Variants in GULP1 observed in about 807,000 individuals in gnomAD.
The protein encoded by GULP1 is GULP PTB domain containing engulfment adaptor 1, also known as PTB domain-containing engulfment adapter protein 1.
A neutral mutation model predicts 40.9 loss-of-function variants in GULP1; 19 were observed. The ratio of observed to expected loss-of-function variants is 0.46; its 90% CI spans 0.32 to 0.68. The LOEUF (loss-of-function observed/expected upper bound fraction) is 0.68. GULP1 is among the 30% of genes least tolerant of loss of function. GULP1 has a pLI of 0.03. For missense variants in GULP1, 312 were observed against 362.2 expected (o/e 0.86, Z 1.12); for synonymous variants, 119 against 117.6 (o/e 1.01, Z -0.08).
At chr2:188,422,209 C>T (rs2055532305) in intron 2 of GULP1, among the ~76,000 whole-genome samples, 1 of 150,308 alleles carries the variant, frequency 6.7e-6, no homozygotes. Flanking sequence ...CAAAATTCTC[C>T]TAATTTTTTT....
At chr2:188,432,847 G>A (rs1049942928) in intron 2 of GULP1, among the ~76,000 whole-genome samples, 2 of 151,974 alleles carry the variant, frequency 1.3e-5, no homozygotes, top group East Asian at 3.9e-4. Flanking sequence ...GCCAAAACAC[G>A]TTACAAAATA....
rs370916108 is a variant in GULP1 at position 188,454,317 on chromosome 2, T to C, written c.-44-23342T>C. On this transcript the variant is annotated intron_variant, in intron 2 of 11. Coordinates refer to ENST00000409830, the MANE Select transcript of GULP1 (RefSeq NM_016315.4). ...CCCAGTATGGCTTAGTCTGGGGTTT[T>C]TATAGGCACAGAATGGGGAGGGCAT... is the stretch of plus-strand genomic sequence containing the variant. Among the ~76,000 whole-genome samples the C allele has an allele frequency of 2.0e-4, 31 of 152,242 alleles. 1 individual carries two copies. Among genetic ancestry groups the C allele is most frequent in the African/African-American group, 7.5e-4 (31 of 41,542 alleles).
intron 9 of GULP1, among the ~76,000 whole-genome samples, chr2:188,580,575 TCAA>T (rs1701109098): frequency 6.7e-6 from 1 of 149,414 alleles, no homozygotes; most frequent in Non-Finnish European, 1.5e-5. Context: ...AAAATGGAGA[TCAA>T]CAGAGAAATA....
At chr2:188,315,433 A>AGG (rs1383215621) in intron 1 of GULP1, among the ~76,000 whole-genome samples, 1 of 152,118 alleles carries the variant, frequency 6.6e-6, no homozygotes, top group Non-Finnish European at 1.5e-5. Context: ...CCTGCAGATG[A>AGG]GGGAGGACTG....
chr2:188,434,394 G>A (rs13392080), intron 2 of GULP1, among the ~76,000 whole-genome samples: 3,406 of 150,822 alleles, frequency 0.023, 139 homozygotes, highest in African/African-American at 0.078. Context: ...GGTTATTATG[G>A]TGACTTTGCC....
At chr2:188,402,153 A>G (rs2052386878) in intron 2 of GULP1, among the ~76,000 whole-genome samples, 2 of 152,128 alleles carry the variant, frequency 1.3e-5, no homozygotes, top group South Asian at 4.1e-4. Context: ...GGCTATTTTG[A>G]TGGTAACAGA....
At chr2:188,303,696 A>G (rs2036536615) in intron 1 of GULP1, among the ~76,000 whole-genome samples, 1 of 152,200 alleles carries the variant, frequency 6.6e-6, no homozygotes, top group South Asian at 2.1e-4. Flanking sequence ...AGTGAAAGAG[A>G]CATTAGAGAA....
At chr2:188,507,248 G>A (rs2064009933) in intron 4 of GULP1, among the ~76,000 whole-genome samples, 1 of 151,894 alleles carries the variant, frequency 6.6e-6, no homozygotes, top group Admixed American at 6.6e-5. Context: ...TGATTAAGTG[G>A]CAGTAACTCT....
At chr2:188,477,237 C>G (rs927127456) in intron 2 of GULP1, among the ~76,000 whole-genome samples, 2 of 152,084 alleles carry the variant, frequency 1.3e-5, no homozygotes, top group African/African-American at 4.8e-5. Flanking sequence ...TTAACCACTG[C>G]TCCTAGTATA....
At chr2:188,443,566 A>G (rs1384592088) in intron 2 of GULP1, among the ~76,000 whole-genome samples, 1 of 152,226 alleles carries the variant, frequency 6.6e-6, no homozygotes, top group Non-Finnish European at 1.5e-5. Flanking sequence ...CATCTAGAAC[A>G]GTATTTTATC....
intron 2 of GULP1, among the ~76,000 whole-genome samples, chr2:188,462,346 T>C (rs141750644): frequency 0.011 from 1,706 of 152,320 alleles, 38 homozygotes; most frequent in African/African-American, 0.038. Context: ...ACCTAACATA[T>C]GGTCTATCCT....
intron 2 of GULP1, among the ~76,000 whole-genome samples, chr2:188,396,512 G>A (rs896712363): frequency 6.6e-6 from 1 of 152,230 alleles, no homozygotes; most frequent in African/African-American, 2.4e-5. Context: ...CACATCTGCA[G>A]TGTTCCACTA....
At chr2:188,360,491 A>G (rs1301804281) in intron 1 of GULP1, among the ~76,000 whole-genome samples, 2 of 151,908 alleles carry the variant, frequency 1.3e-5, no homozygotes, top group African/African-American at 2.4e-5. Flanking sequence ...TGGATGCATC[A>G]AATCATAGAA....
chr2:188,513,614 G>A (rs771744677), intron 4 of GULP1, among the ~76,000 whole-genome samples: 3 of 151,966 alleles, frequency 2.0e-5, no homozygotes, highest in Non-Finnish European at 2.9e-5. Context: ...TTTCTGGAGT[G>A]TTCTCATTTT....
chr2:188,530,813 G>T (rs1329067343), intron 6 of GULP1, among the ~76,000 whole-genome samples: 1 of 152,150 alleles, frequency 6.6e-6, no homozygotes, highest in African/African-American at 2.4e-5. Context: ...ATGCCTCAGA[G>T]TTATCATTTA....
At chr2:188,446,795 G>A (rs2058425484) in intron 2 of GULP1, among the ~76,000 whole-genome samples, 1 of 152,160 alleles carries the variant, frequency 6.6e-6, no homozygotes, top group Non-Finnish European at 1.5e-5. Context: ...TGATGTAGTG[G>A]TATTTCTTGC....
chr2:188,589,760 T>A, intron 11 of GULP1: 1 of 1,357,144 alleles, frequency 7.4e-7, no homozygotes, highest in Non-Finnish European at 9.9e-7. Context: ...GGTTGGTATA[T>A]TATTTTTATA....
intron 2 of GULP1, among the ~76,000 whole-genome samples, chr2:188,392,780 T>A (rs1434240600): frequency 2.0e-5 from 3 of 152,062 alleles, no homozygotes; most frequent in Admixed American, 2.0e-4. Context: ...TTTTGTAACT[T>A]ATGTCGCTAT....
intron 6 of GULP1, 47 bp from the exon 7 acceptor site, chr2:188,541,134 G>GA (rs1475803549): frequency 1.3e-6 from 2 of 1,545,044 alleles, no homozygotes; most frequent in East Asian, 2.3e-5. Context: ...TTCAGAAAAT[G>GA]AAAAAAGAAT....
Sources: allele counts gnomAD v4.1 joint callset (sites outside exome capture counted in the v4.1 genomes callset), GRCh38; gene constraint gnomAD v4.1.1; transcripts MANE v1.5; gene names NCBI Gene and HGNC (gene_info 2026-07-23, HGNC 2026-07-21).